The following GRID2 variants were observed in gnomAD, a reference collection of about 807,000 sequenced individuals.
The protein encoded by GRID2 is glutamate receptor ionotropic, delta-2.
In GRID2, 33 loss-of-function variants were observed where a neutral mutation model predicts 114.8. The ratio of observed to expected loss-of-function variants is 0.29; its 90% confidence interval spans 0.22 to 0.38. The LOEUF is 0.38. Among genes scored for constraint, GRID2 ranks in the 10% least tolerant of loss-of-function variants. The pLI, the probability that GRID2 is intolerant of heterozygous loss-of-function variation, is 1.00. For missense variants in GRID2, 1,184 were observed against 1,257.7 expected (o/e 0.94, Z 0.89); for synonymous variants, 505 against 449.9 (o/e 1.12, Z -1.55).
intron 2 of GRID2, among the ~76,000 whole-genome samples, chr4:92,957,458 A>G (rs1269330022): frequency 6.6e-6 from 1 of 151,906 alleles, no homozygotes; most frequent in Non-Finnish European, 1.5e-5. Flanking sequence ...AGATTGGTAT[A>G]CTGTACTTAT....
chr4:93,740,796 T>G (rs1419655015), intron 14 of GRID2, among the ~76,000 whole-genome samples: 1 of 151,976 alleles, frequency 6.6e-6, no homozygotes, highest in African/African-American at 2.4e-5. Context: ...AATTCACCTC[T>G]CTGTATAGTC....
intron 8 of GRID2, among the ~76,000 whole-genome samples, chr4:93,314,347 A>AAGAATG (rs1560487819): frequency 8.6e-5 from 13 of 150,954 alleles, no homozygotes; most frequent in African/African-American, 3.2e-4. Flanking sequence ...AAGAAGAATG[A>AAGAATG]AAAAAACACA....
chr4:93,291,468 G>A (rs72874922), intron 8 of GRID2, among the ~76,000 whole-genome samples: 4,805 of 152,190 alleles, frequency 0.032, 271 homozygotes, highest in African/African-American at 0.11. Flanking sequence ...AGTGTCTGAC[G>A]TATAGTAAAC....
intron 8 of GRID2, among the ~76,000 whole-genome samples, chr4:93,286,154 G>A (rs1230970863): frequency 2.0e-5 from 3 of 151,914 alleles, no homozygotes; most frequent in Admixed American, 6.6e-5. Context: ...AAACATAATA[G>A]GATTATTATA....
At chr4:93,054,198 G>T (rs929856282) in intron 2 of GRID2, among the ~76,000 whole-genome samples, 1 of 151,686 alleles carries the variant, frequency 6.6e-6, no homozygotes, top group African/African-American at 2.4e-5. Context: ...AAACAAACAA[G>T]CAAAGTATGG....
At chr4:93,275,431 CATA>C (rs1751945617) in intron 8 of GRID2, among the ~76,000 whole-genome samples, 1 of 147,960 alleles carries the variant, frequency 6.8e-6, no homozygotes, top group African/African-American at 2.5e-5. Context: ...TGGATATATA[CATA>C]TATATATATA....
intron 2 of GRID2, among the ~76,000 whole-genome samples, chr4:92,942,297 T>G (rs529476005): frequency 2.2e-3 from 340 of 152,332 alleles, no homozygotes; most frequent in Non-Finnish European, 3.2e-3. Context: ...CTCTTCTTGT[T>G]GAATTGATCC....
intron 5 of GRID2, among the ~76,000 whole-genome samples, chr4:93,212,457 C>T (rs1314640307): frequency 6.6e-6 from 1 of 152,150 alleles, no homozygotes; most frequent in Non-Finnish European, 1.5e-5. Flanking sequence ...TCCCCGCAAT[C>T]AGTGGATCCA....
intron 1 of GRID2, among the ~76,000 whole-genome samples, chr4:92,482,513 T>C (rs1210466723): frequency 1.3e-5 from 2 of 152,208 alleles, no homozygotes; most frequent in African/African-American, 4.8e-5. Flanking sequence ...CTCCTTCTGG[T>C]TGAATTGGTC....
At chr4:93,218,204 A>C (rs1203190250) in intron 6 of GRID2, among the ~76,000 whole-genome samples, 4 of 152,068 alleles carry the variant, frequency 2.6e-5, no homozygotes, top group African/African-American at 9.7e-5. Flanking sequence ...GCTCCTTTAG[A>C]ATAGGTCCTT....
chr4:92,800,350 C>A (rs560057881), intron 2 of GRID2, among the ~76,000 whole-genome samples: 7 of 151,406 alleles, frequency 4.6e-5, no homozygotes, highest in African/African-American at 1.7e-4. Flanking sequence ...GAAATAAACT[C>A]AGCAAAGCAA....
chr4:92,985,983 A>C (rs1053930021), intron 2 of GRID2, among the ~76,000 whole-genome samples: 8 of 152,214 alleles, frequency 5.3e-5, no homozygotes, highest in African/African-American at 1.4e-4. Flanking sequence ...ATTCTCATGC[A>C]TATAACTTAT....
intron 14 of GRID2, among the ~76,000 whole-genome samples, chr4:93,683,961 T>C (rs1298825917): frequency 6.6e-6 from 1 of 152,092 alleles, no homozygotes; most frequent in East Asian, 1.9e-4. Flanking sequence ...TGCAATGGGA[T>C]TTTGCAGTAG....
At chr4:93,622,384 T>C (rs1187561586) in intron 13 of GRID2, among the ~76,000 whole-genome samples, 1 of 152,194 alleles carries the variant, frequency 6.6e-6, no homozygotes, top group Admixed American at 6.6e-5. Flanking sequence ...GCATCATTAG[T>C]AATAAAAAAG....
intron 6 of GRID2, among the ~76,000 whole-genome samples, chr4:93,221,596 G>C (rs1035057093): frequency 3.9e-5 from 6 of 152,150 alleles, no homozygotes; most frequent in African/African-American, 1.4e-4. Flanking sequence ...AATGATGAGA[G>C]ATAGTTTGGT....
chr4:93,278,047 G>T (rs961192131), intron 8 of GRID2, among the ~76,000 whole-genome samples: 2 of 151,884 alleles, frequency 1.3e-5, no homozygotes, highest in East Asian at 3.9e-4. Flanking sequence ...TGCATCTGAA[G>T]AAAATGAGCA....
chr4:92,340,445 G>T (rs1358561083), intron 1 of GRID2, among the ~76,000 whole-genome samples: 4 of 152,096 alleles, frequency 2.6e-5, no homozygotes, highest in Non-Finnish European at 5.9e-5. Flanking sequence ...TTTGGCACTT[G>T]CTTAATTTCC....
intron 2 of GRID2, among the ~76,000 whole-genome samples, chr4:92,607,878 C>T (rs1407636768): frequency 3.3e-5 from 5 of 151,522 alleles, no homozygotes; most frequent in Non-Finnish European, 5.9e-5. Flanking sequence ...AAAATGTGTG[C>T]GTAAACAATA....
intron 1 of GRID2, among the ~76,000 whole-genome samples, chr4:92,439,995 T>C (rs1157902585): frequency 2.1e-5 from 3 of 144,774 alleles, no homozygotes; most frequent in African/African-American, 7.4e-5. Context: ...GGGCACAGTC[T>C]AAGTTGGTCT....
Sources: allele counts gnomAD v4.1 joint callset (sites outside exome capture counted in the v4.1 genomes callset), GRCh38; gene constraint gnomAD v4.1.1; transcripts MANE v1.5; gene names NCBI Gene and HGNC (gene_info 2026-07-23, HGNC 2026-07-21).